NPNT: variants seen among roughly 807,000 people sequenced by gnomAD.
NPNT encodes preosteoblast EGF-like repeat protein with MAM domain.
NPNT carries 45 observed loss-of-function variants against 68.6 expected under a neutral mutation model. The observed-to-expected ratio is 0.66, with a 90% CI of 0.52 to 0.84. The LOEUF (loss-of-function observed/expected upper bound fraction) is 0.84. Among genes scored for constraint, NPNT ranks in the 40% least tolerant of loss-of-function variants. NPNT has a pLI of 0.00. For synonymous variants in NPNT, 233 were observed against 253.3 expected, an observed-to-expected ratio of 0.92 and a Z score of 0.76; for missense variants, 672 against 714.8, an observed-to-expected ratio of 0.94 and a Z score of 0.68.
chr4:105,922,142 A>G lies in NPNT; in HGVS notation c.173-5194A>G, dbSNP rs533088992. The stretch of plus-strand genomic sequence containing the variant: ...AATCCTTCTCAAGTTACTAACTACC[A>G]TTGAGATTGGATTGGCTTTTGCCTT... On this transcript the variant is annotated intron_variant, in intron 2 of 11. Transcript: ENST00000379987. Among the ~76,000 whole-genome samples, 7 of 152,062 alleles carry G rather than the reference A, an allele frequency of 4.6e-5. No individual in the cohort carries two copies. In the East Asian group the frequency reaches 1.4e-3, roughly 30 times the overall value.
chr4:105,947,447 C>T (rs1255502745), intron 8 of NPNT, among the ~76,000 whole-genome samples: 2 of 152,176 alleles, frequency 1.3e-5, no homozygotes, highest in Non-Finnish European at 2.9e-5. Flanking sequence ...TTATGTTCCT[C>T]TGCTGCAGCT....
chr4:105,897,167 C>G (rs1179466689), intron 1 of NPNT, among the ~76,000 whole-genome samples: 3 of 152,148 alleles, frequency 2.0e-5, no homozygotes, highest in Non-Finnish European at 4.4e-5. Context: ...AATGTGTCAA[C>G]GTGTAATCAG....
At chr4:105,911,900 G>C in intron 2 of NPNT, 1 of 308,474 alleles carries the variant, frequency 3.2e-6, no homozygotes, top group Non-Finnish European at 6.0e-6. Context: ...TGAAAATACA[G>C]CATCACAAAA....
intron 2 of NPNT, among the ~76,000 whole-genome samples, chr4:105,906,534 TGATG>T (rs1027933602): frequency 6.6e-6 from 1 of 152,224 alleles, no homozygotes; most frequent in African/African-American, 2.4e-5. Context: ...TATCTAGCTG[TGATG>T]GATGAACTGT....
rs150406505 is a variant in NPNT, at chr4:105,904,064, G to A, written c.172+6063G>A. Among the ~76,000 whole-genome samples the A allele has an allele frequency of 9.8e-3, 1,497 of 152,098 alleles. 29 individuals carry two copies. Among genetic ancestry groups the A allele is most frequent in the African/African-American group, 0.034 (1,401 of 41,470 alleles). Reference sequence around the variant, plus strand: ...CTCCCAAAGTGCTGGGATTATAAGCGTGAGCCATCTTGCCCAGCTGCCTCC... The same window carrying A: ...CTCCCAAAGTGCTGGGATTATAAGCATGAGCCATCTTGCCCAGCTGCCTCC... On this transcript the variant is annotated intron_variant, in intron 2 of 11. Transcript: ENST00000379987.
Position 105,912,176 on chromosome 4 carries a change from T to C in NPNT, c.172+14175T>C, listed in dbSNP as rs774444650. ...GATCTGGAATTTCTTTTTTTGGACA[T>C]TTGTTTTGCAGCTTTCTACGTCTTA... On this transcript the variant is annotated intron_variant, in intron 2 of 11. Transcript: ENST00000379987. 7.3e-5 allele frequency: 112 copies of C among 1,530,830 alleles called. 2 individuals are homozygous for C. The highest frequency in any genetic ancestry group is 8.8e-5 in the Non-Finnish European group (100 of 1,142,512). The allele number at this position is 1,530,830 out of a possible 1,614,324, so 94.8% of individuals were successfully genotyped here. A position where few individuals can be genotyped will look rare whatever the true frequency, so the allele number is the denominator to read the frequency against.
intron 3 of NPNT, among the ~76,000 whole-genome samples, chr4:105,930,288 A>G (rs1729010043): frequency 6.6e-6 from 1 of 152,196 alleles, no homozygotes; most frequent in South Asian, 2.1e-4. Flanking sequence ...TGTTAAATAA[A>G]TGACAGTTTC....
At chr4:105,944,429 C>A (rs2149380551) in intron 8 of NPNT, among the ~76,000 whole-genome samples, 1 of 152,140 alleles carries the variant, frequency 6.6e-6, no homozygotes, top group Non-Finnish European at 1.5e-5. Flanking sequence ...ATATTTTTTT[C>A]ATTATGATGA....
chr4:105,909,811 C>A (rs1422034549), intron 2 of NPNT, among the ~76,000 whole-genome samples: 1 of 152,148 alleles, frequency 6.6e-6, no homozygotes, highest in African/African-American at 2.4e-5. Flanking sequence ...TACATTGTGT[C>A]AGGGAGGACC....
chr4:105,927,476 A>C, intron 3 of NPNT, 48 bp downstream of exon 3: 2 of 1,097,040 alleles, frequency 1.8e-6, no homozygotes, highest in Non-Finnish European at 2.7e-6. Context: ...CACCTCTATC[A>C]CTCCCAAATT....
At chr4:105,941,249 T>G (rs1258268610) in intron 7 of NPNT, among the ~76,000 whole-genome samples, 1 of 152,038 alleles carries the variant, frequency 6.6e-6, no homozygotes, top group Non-Finnish European at 1.5e-5. Flanking sequence ...GATGAGGTGC[T>G]AGGATCACTT....
intron 2 of NPNT, among the ~76,000 whole-genome samples, chr4:105,914,961 G>A (rs1210778241): frequency 6.6e-6 from 1 of 152,180 alleles, no homozygotes; most frequent in Non-Finnish European, 1.5e-5. Context: ...TCACAAAGTT[G>A]TAGAGGAACA....
intron 3 of NPNT, among the ~76,000 whole-genome samples, chr4:105,933,075 C>T (rs1438692836): frequency 6.6e-6 from 1 of 152,130 alleles, no homozygotes; most frequent in Non-Finnish European, 1.5e-5. Context: ...GTCCTCTTCC[C>T]CACTCTTGAG....
At chr4:105,950,445 AT>A (rs1730733481) in intron 8 of NPNT, among the ~76,000 whole-genome samples, 1 of 151,906 alleles carries the variant, frequency 6.6e-6, no homozygotes, top group Non-Finnish European at 1.5e-5. Flanking sequence ...ATCTTTATTT[AT>A]TTATTATTTA....
At chr4:105,960,061 TGGC>T (rs1560541992) in intron 10 of NPNT, among the ~76,000 whole-genome samples, 1 of 152,156 alleles carries the variant, frequency 6.6e-6, no homozygotes, top group East Asian at 1.9e-4. Context: ...CTGCCCGCCT[TGGC>T]CTCCCAAAGT....
At chr4:105,957,680 G>T (rs549597953) in intron 8 of NPNT, among the ~76,000 whole-genome samples, 1 of 152,128 alleles carries the variant, frequency 6.6e-6, no homozygotes, top group South Asian at 2.1e-4. Flanking sequence ...CTTTATGAAA[G>T]TGTGTAATAG....
chr4:105,895,548 T>C lies in NPNT; in HGVS notation c.-105T>C. 1.1e-6 allele frequency: 1 copy of C among 928,566 alleles called. No homozygotes were observed. Among genetic ancestry groups the C allele is most frequent in the Non-Finnish European group, 1.6e-6 (1 of 613,180 alleles). 57.5% of individuals were successfully genotyped at this position (928,566 alleles called of 1,614,324 possible). A position where few individuals can be genotyped will look rare whatever the true frequency, so the allele number is the denominator to read the frequency against. On this transcript the variant is annotated 5_prime_UTR_variant, in exon 1 of 12. Coordinates refer to ENST00000379987, the MANE Select transcript of NPNT (RefSeq NM_001033047.3). ...CAGCAGTAGCCCGGGCGGCGAGGGC[T>C]GGGGGTTCCTCGAGACTCTCAGAGG...
In NPNT at chr4:105,895,517, G is replaced by A. The variant is rs1476671674; in HGVS notation, c.-136G>A. 1.3e-5 allele frequency: 9 copies of A among 690,002 alleles called. No homozygotes were observed. Among genetic ancestry groups the A allele is most frequent in the South Asian group, 7.9e-5 (4 of 50,822 alleles). 42.7% of individuals were successfully genotyped at this position (690,002 alleles called of 1,614,324 possible). Reference sequence around the variant, plus strand: ...CGCGCGCCTCGCCGCTGTCCTCCGGGAGCGGCAGCAGTAGCCCGGGCGGCG... The same window carrying A: ...CGCGCGCCTCGCCGCTGTCCTCCGGAAGCGGCAGCAGTAGCCCGGGCGGCG... On this transcript the variant is annotated 5_prime_UTR_variant, in exon 1 of 12. Transcript: ENST00000379987.
At chr4:105,954,459 G>GT (rs1357668137) in intron 8 of NPNT, among the ~76,000 whole-genome samples, 1 of 152,146 alleles carries the variant, frequency 6.6e-6, no homozygotes, top group East Asian at 1.9e-4. Flanking sequence ...CCTTCTTCCT[G>GT]TTCATTCTCC....
Sources: allele counts gnomAD v4.1 joint callset (sites outside exome capture counted in the v4.1 genomes callset), GRCh38; gene constraint gnomAD v4.1.1; transcripts MANE v1.5; gene names NCBI Gene and HGNC (gene_info 2026-07-23, HGNC 2026-07-21).